The following THAP5 variants were observed in gnomAD, a reference collection of about 807,000 sequenced individuals.
THAP5 encodes THAP domain-containing protein 5.
In THAP5, 26 loss-of-function variants were observed where a neutral mutation model predicts 34.0. The observed-to-expected ratio is 0.77, with a 90% CI of 0.56 to 1.06. The LOEUF (loss-of-function observed/expected upper bound fraction) is 1.06, where lower values mean the gene tolerates loss of function less well. Among genes scored for constraint, THAP5 ranks in the 50% least tolerant of loss-of-function variants. The pLI is 0.00. For missense variants in THAP5, 394 were observed against 452.8 expected (o/e 0.87, Z 1.18); for synonymous variants, 125 against 153.0 (o/e 0.82, Z 1.35).
chr7:108,547,135 A>T, the THAP5 span, among the ~76,000 whole-genome samples: 1 of 152,220 alleles, frequency 6.6e-6, no homozygotes, highest in Non-Finnish European at 1.5e-5. Context: ...CATTCTGGGA[A>T]TTGTTTGAAC....
In THAP5 at chr7:108,564,192, T is replaced by A. The variant is rs1326643933; in HGVS notation, c.1187A>T (p.Ter396LeuextTer3). Residue 396 changes from the stop codon to leucine, a stop_lost, in exon 3 of 3, where the codon TAG becomes TTG. Transcript: ENST00000415914. ...HFTTYEVTMI* is the reference protein window; with the variant it reads ...HFTTYEVTMIL The stretch of plus-strand genomic sequence containing the variant: ...CCATAGTTTTAAAACCTAGTTATTC[T>A]ATATCATAGTGACTTCATATGTTGT... The A allele has an allele frequency of 1.9e-6, 3 of 1,560,236 alleles. No homozygotes were observed. Among genetic ancestry groups the A allele is most frequent in the Non-Finnish European group, 2.6e-6 (3 of 1,155,466 alleles).
chr7:108,548,847 T>G, the THAP5 span, among the ~76,000 whole-genome samples: 2 of 152,162 alleles, frequency 1.3e-5, no homozygotes, highest in South Asian at 4.2e-4. Flanking sequence ...GAGCTACAAT[T>G]TAAGATGAGA....
At chr7:108,547,270 C>T in the THAP5 span, among the ~76,000 whole-genome samples, 2 of 152,192 alleles carry the variant, frequency 1.3e-5, no homozygotes, top group Admixed American at 6.5e-5. Context: ...ATTCTAGTCT[C>T]ATGCCAGTGA....
At chr7:108,567,664 C>A (rs1043561327) in intron 1 of THAP5, among the ~76,000 whole-genome samples, 5 of 152,174 alleles carry the variant, frequency 3.3e-5, no homozygotes, top group African/African-American at 1.2e-4. Context: ...ACAGTACAAA[C>A]TGGACACTAT....
chr7:108,565,109 G>A lies in THAP5; in HGVS notation c.274-4C>T. On this transcript the variant is annotated splice_region_variant and splice_polypyrimidine_tract_variant and intron_variant, in intron 2 of 2. Coordinates refer to ENST00000415914, the MANE Select transcript of THAP5 (RefSeq NM_001130475.3). Reference sequence around the variant, plus strand: ...TTTTTTTAGAAGGGTCTTTTCCCTAGAAAATAATATTTTCATGTTCTGAAA... The same window carrying A: ...TTTTTTTAGAAGGGTCTTTTCCCTAAAAAATAATATTTTCATGTTCTGAAA... 2 of 1,488,088 alleles carry A rather than the reference G, an allele frequency of 1.3e-6. No homozygotes were observed. The highest frequency in any genetic ancestry group is 1.8e-6 in the Non-Finnish European group (2 of 1,121,152). The allele number at this position is 1,488,088 out of a possible 1,614,324, so 92.2% of individuals were successfully genotyped here.
rs568902272 is a variant in THAP5, at chr7:108,568,729, C to G, written c.80+761G>C. ...TTAATCATGTGAGTACTATTAACAT[C>G]TCCATGTTACAGATGAGATATGTGA... On this transcript the variant is annotated intron_variant, in intron 1 of 2. Coordinates refer to ENST00000415914, the MANE Select transcript of THAP5 (RefSeq NM_001130475.3). Among the ~76,000 whole-genome samples the G allele has an allele frequency of 3.9e-5, 6 of 152,286 alleles. No individual in the cohort carries two copies. The South Asian group carries it at 1.2e-3, about 32-fold the overall frequency.
At chr7:108,569,445 A>G (rs753260618) in intron 1 of THAP5, 45 bp downstream of exon 1, 41 of 1,550,976 alleles carry the variant, frequency 2.6e-5, no homozygotes, top group Non-Finnish European at 3.6e-5. Context: ...CACAGGTCCA[A>G]GGCCTCACGG....
At chr7:108,566,054 A>G (rs2154518097) in intron 1 of THAP5, 32 bp from the exon 2 acceptor site, 2 of 1,485,996 alleles carry the variant, frequency 1.3e-6, no homozygotes, top group Non-Finnish European at 1.8e-6. Flanking sequence ...AGAAAAAAGG[A>G]AAAACTTTGC....
At chr7:108,555,331 A>AT (rs542140865) in intron 1 of THAP5, among the ~76,000 whole-genome samples, 230 of 151,712 alleles carry the variant, frequency 1.5e-3, no homozygotes, top group African/African-American at 5.3e-3. Context: ...TGCCCAGTTA[A>AT]TTTTTTTTGT....
rs893538912 is a variant in THAP5, at chr7:108,565,977, A to G, written c.126T>C (p.Asn42=). ...DKERLEKWLK[N]MKRDSWVPSK... is the part of the protein sequence containing the mutation. ...TGGGAACCCATGAATCTCGCTTCAT[A>G]TTCTTTAACCACTTTTCCAGTCTTT... Residue 42 remains asparagine, a synonymous_variant, in exon 2 of 3, where the codon AAT becomes AAC. Transcript: ENST00000415914. 2 of 1,548,488 alleles carry G rather than the reference A, an allele frequency of 1.3e-6. No individual in the cohort carries two copies. Among genetic ancestry groups the G allele is most frequent in the Non-Finnish European group, 1.7e-6 (2 of 1,145,972 alleles).
At chr7:108,548,172 A>T in the THAP5 span, among the ~76,000 whole-genome samples, 2 of 152,206 alleles carry the variant, frequency 1.3e-5, no homozygotes, top group Non-Finnish European at 2.9e-5. Context: ...GGACAATAAT[A>T]TACTCATGGA....
At chr7:108,548,368 A>C in the THAP5 span, among the ~76,000 whole-genome samples, 1 of 152,236 alleles carries the variant, frequency 6.6e-6, no homozygotes, top group Admixed American at 6.5e-5. Context: ...AAAAGCTTAT[A>C]CTTTGGGGAT....
chr7:108,560,506 A>G (rs908375984), downstream of THAP5, among the ~76,000 whole-genome samples: 2 of 152,220 alleles, frequency 1.3e-5, no homozygotes, highest in Non-Finnish European at 2.9e-5. Flanking sequence ...TGCAAGGTCC[A>G]GTTGGATCCC....
intron 1 of THAP5, among the ~76,000 whole-genome samples, chr7:108,567,962 T>A (rs1230027065): frequency 6.6e-6 from 1 of 152,256 alleles, no homozygotes; most frequent in African/African-American, 2.4e-5. Flanking sequence ...TGTGGGGTTA[T>A]ACCCCATCTC....
chr7:108,550,469 A>AC (rs1554694114), downstream of THAP5, among the ~76,000 whole-genome samples: 1 of 151,178 alleles, frequency 6.6e-6, no homozygotes, highest in Non-Finnish European at 1.5e-5. Flanking sequence ...TCTTTGCTCC[A>AC]TTTTTTTTTC....
At chr7:108,547,769 C>A in the THAP5 span, among the ~76,000 whole-genome samples, 1 of 152,062 alleles carries the variant, frequency 6.6e-6, no homozygotes, top group Admixed American at 6.6e-5. Context: ...GTGTATTAAC[C>A]TGTCTAGAAT....
chr7:108,569,312 G>T, intron 1 of THAP5, 178 bp downstream of exon 1: 2 of 1,449,482 alleles, frequency 1.4e-6, no homozygotes, highest in African/African-American at 2.8e-5. Context: ...CCTCGCGCAA[G>T]AAGGGCATTG....
the THAP5 span, among the ~76,000 whole-genome samples, chr7:108,546,309 C>G: frequency 6.6e-6 from 1 of 152,110 alleles, no homozygotes; most frequent in Admixed American, 6.5e-5. Context: ...GTCACAGAGA[C>G]TGATACATAA....
At chr7:108,559,698 C>A (rs1864412727), downstream of THAP5, among the ~76,000 whole-genome samples, 1 of 152,118 alleles carries the variant, frequency 6.6e-6, no homozygotes, top group Non-Finnish European at 1.5e-5. Context: ...AGGGAGGCCT[C>A]AGGAAACTTA....
Sources: allele counts gnomAD v4.1 joint callset (sites outside exome capture counted in the v4.1 genomes callset), GRCh38; gene constraint gnomAD v4.1.1; transcripts MANE v1.5; gene names NCBI Gene and HGNC (gene_info 2026-07-23, HGNC 2026-07-21).